Variants in TMEM200C observed in about 807,000 individuals in gnomAD.
TMEM200C encodes transmembrane protein TTMA.
For missense variants in TMEM200C, 966 were observed against 699.9 expected, an observed-to-expected ratio of 1.38 and a Z score of -4.29; for synonymous variants, 462 against 324.7, an observed-to-expected ratio of 1.42 and a Z score of -4.55.
chr18:5,882,395 A>G (rs553985017), exon 3 of TMEM200C: 2 of 152,246 alleles, frequency 1.3e-5, no homozygotes, highest in Non-Finnish European at 2.9e-5. Flanking sequence ...GTATAGCATT[A>G]TTAAATGTCC....
chr18:5,891,729 C>A lies in TMEM200C; in HGVS notation c.335G>T (p.Arg112Leu). The change falls in exon 3 of 3, where the codon CGG becomes CTG. Residue 112 changes from arginine (R) to leucine (L), a missense_variant. Arg to Leu is a moderately radical substitution (Grantham distance 102). Coordinates refer to ENST00000581347, the Ensembl canonical transcript of TMEM200C. This position sits in a 1 kb window ranked among gnomAD's most constrained non-coding sequence, Gnocchi z 4.7. ...TGGAGCCCTAGGGTGGCTCCTGGAC[C>A]GGTTTTTGCTGCCACTGCTACTGCT... 3 of 1,612,684 alleles carry A rather than the reference C, an allele frequency of 1.9e-6. No individual in the cohort carries two copies. Among genetic ancestry groups the A allele is most frequent in the Non-Finnish European group, 2.5e-6 (3 of 1,179,824 alleles).
Position 5,891,560 on chromosome 18 carries a change from G to T in TMEM200C, c.504C>A (p.Phe168Leu), listed in dbSNP as rs767447802. 10 of 1,613,718 alleles carry T rather than the reference G, an allele frequency of 6.2e-6. No individual in the cohort carries two copies. The highest frequency in any genetic ancestry group is 4.0e-5 in the African/African-American group (3 of 75,022). Reference sequence around the variant, plus strand: ...TGCCGATGCCCATGATGAGGGGCCCGAAGACCTTGAGCTTGTCAGAGTGCA... The same window carrying T: ...TGCCGATGCCCATGATGAGGGGCCCTAAGACCTTGAGCTTGTCAGAGTGCA... Residue 168 changes from phenylalanine to leucine, a missense_variant, in exon 3 of 3, where the codon TTC becomes TTA. By Grantham distance (22) the Phe-to-Leu change is conservative. Transcript: ENST00000581347. The surrounding 1 kb of genome is among the most constrained non-coding windows in gnomAD (Gnocchi z 4.7).
In TMEM200C at chr18:5,891,252, T is replaced by C; in HGVS notation, c.812A>G (p.Asp271Gly). The C allele has an allele frequency of 7.2e-7, 1 of 1,379,860 alleles. No individual in the cohort carries two copies. 85.5% of individuals were successfully genotyped at this position (1,379,860 alleles called of 1,614,324 possible). The change falls in exon 3 of 3, where the codon GAC becomes GGC. Residue 271 changes from aspartate to glycine, a missense_variant. Coordinates refer to ENST00000581347, the Ensembl canonical transcript of TMEM200C. The surrounding 1 kb of genome is among the most constrained non-coding windows in gnomAD (Gnocchi z 4.7). Reference sequence around the variant, plus strand: ...CAGCATCGCCGCCGCTCCGAAGGCGTCCCCGGAGCCACCGCAGCCCCCGGG... The same window carrying C: ...CAGCATCGCCGCCGCTCCGAAGGCGCCCCCGGAGCCACCGCAGCCCCCGGG...
chr18:5,890,182 C>T, exon 3 of TMEM200C: 1 of 1,507,156 alleles, frequency 6.6e-7, no homozygotes, highest in Non-Finnish European at 8.9e-7. Flanking sequence ...TCCTCCTCCC[C>T]AACCCACCCC....
Position 5,890,242 on chromosome 18 carries a change from G to A in TMEM200C, c.1822C>T (p.His608Tyr), listed in dbSNP as rs532964302. ...AGTTCTTCTTCTACCCCTATGGCATGAGACCTGGAAATCATGATGAGTTTC... is the reference window on the plus strand; with the variant it reads ...AGTTCTTCTTCTACCCCTATGGCATAAGACCTGGAAATCATGATGAGTTTC... The change falls in exon 3 of 3, where the codon CAT becomes TAT. Residue 608 changes from histidine (H) to tyrosine (Y), a missense_variant. Coordinates refer to ENST00000581347, the Ensembl canonical transcript of TMEM200C. 4.4e-6 allele frequency: 7 copies of A among 1,581,200 alleles called. No individual in the cohort carries two copies. The Admixed American group carries it at 1.2e-4, about 28-fold the overall frequency.
chr18:5,890,754 C>G (rs2095169707), exon 3 of TMEM200C: 1 of 599,320 alleles, frequency 1.7e-6, no homozygotes, highest in Non-Finnish European at 3.0e-6. Flanking sequence ...CTCCGGCTCC[C>G]GGCGCGCCCC....
exon 3 of TMEM200C, chr18:5,884,736 A>G (rs1567884682): frequency 1.3e-5 from 2 of 152,158 alleles, no homozygotes; most frequent in African/African-American, 2.4e-5. Flanking sequence ...AACAATAGCA[A>G]AAGTCCTCCA....
exon 3 of TMEM200C, chr18:5,888,590 G>A (rs796533379): frequency 9.9e-5 from 15 of 152,180 alleles, no homozygotes; most frequent in Non-Finnish European, 2.2e-4. Context: ...CAGATAATAG[G>A]TGGATATCCC....
chr18:5,885,012 AT>A (rs1373887536), exon 3 of TMEM200C: 35 of 152,202 alleles, frequency 2.3e-4, no homozygotes, highest in African/African-American at 8.2e-4. Context: ...ATATTAAAAA[AT>A]ATATGAATTA....
chr18:5,883,071 C>A (rs1027723151), exon 3 of TMEM200C: 1 of 152,024 alleles, frequency 6.6e-6, no homozygotes, highest in Non-Finnish European at 1.5e-5. Context: ...ATAGATATAA[C>A]CTTATGGAAG....
At chr18:5,890,214 T>C (rs781561969) in exon 3 of TMEM200C, 19 of 1,558,038 alleles carry the variant, frequency 1.2e-5, no homozygotes, top group Admixed American at 1.8e-5. Context: ...GCCTGTGCTT[T>C]CCAGTTCTTC....
chr18:5,895,730 G>A (rs1438858081), intron 1 of TMEM200C: 1 of 150,698 alleles, frequency 6.6e-6, no homozygotes, highest in Non-Finnish European at 1.5e-5. Context: ...AGCCGGCACG[G>A]GGCGCTCGGG....
At chr18:5,886,715 A>C (rs957294333) in exon 3 of TMEM200C, 2 of 152,184 alleles carry the variant, frequency 1.3e-5, no homozygotes, top group Non-Finnish European at 2.9e-5. Flanking sequence ...TCATTTAAAT[A>C]ATTAATTCTA....
chr18:5,895,580 C>T (rs1599529050), intron 1 of TMEM200C, 58 bp from the exon 1 acceptor site: 1 of 139,516 alleles, frequency 7.2e-6, no homozygotes, highest in Non-Finnish European at 1.6e-5. Context: ...CCCCGCCCCC[C>T]GCCCCACCCC....
chr18:5,891,798 AGCT>A lies in TMEM200C; in HGVS notation c.263_265del (p.Gln88del). The stretch of plus-strand genomic sequence containing the variant: ...CCGGTGGCTGCTGCCCGCAGGCGGC[AGCT>A]GCTTACCCCCCTCCCGATTGGTCCC... On this transcript the variant is annotated inframe_deletion, in exon 3 of 3. Transcript: ENST00000581347. The surrounding 1 kb of genome is among the most constrained non-coding windows in gnomAD (Gnocchi z 4.7). 1 of 1,606,312 alleles carries A rather than the reference AGCT, an allele frequency of 6.2e-7. No individual in the cohort carries two copies. Among genetic ancestry groups the A allele is most frequent in the Non-Finnish European group, 8.5e-7 (1 of 1,178,160 alleles).
intron 2 of TMEM200C, 133 bp from the exon 2 acceptor site, chr18:5,892,290 A>C (rs2095172076): frequency 8.6e-6 from 5 of 583,292 alleles, no homozygotes; most frequent in Non-Finnish European, 1.5e-5. Context: ...TAACTGAAAC[A>C]AGGCCGTGTA....
exon 3 of TMEM200C, chr18:5,884,439 G>A (rs1239959291): frequency 6.6e-6 from 1 of 151,962 alleles, no homozygotes; most frequent in Non-Finnish European, 1.5e-5. Flanking sequence ...GTAAAATTAT[G>A]GTTTATGTGC....
At chr18:5,890,270 C>T in exon 3 of TMEM200C, 1 of 1,596,410 alleles carries the variant, frequency 6.3e-7, no homozygotes. Flanking sequence ...TGAGTTTCTC[C>T]TTGTTTGTAA....
At chr18:5,894,743 T>C (rs2095174327) in intron 2 of TMEM200C, among the ~76,000 whole-genome samples, 1 of 152,186 alleles carries the variant, frequency 6.6e-6, no homozygotes, top group African/African-American at 2.4e-5. Flanking sequence ...CCCTGGCCCC[T>C]GGCTTTGGTC....
Sources: gnomAD v4.1 joint callset for allele counts (sites outside exome capture counted in the v4.1 genomes callset) on GRCh38, gnomAD v4.1.1 for gene constraint, Gnocchi (gnomAD v3.1) non-coding constraint, MANE v1.5 for transcripts, NCBI Gene and HGNC (gene_info 2026-07-23, HGNC 2026-07-21) for gene names.